ANO1: variants seen among roughly 807,000 people sequenced by gnomAD.
ANO1 encodes anoctamin-1.
In ANO1, 59 loss-of-function variants were observed where a neutral mutation model predicts 124.0. That is an observed-to-expected ratio of 0.48 (90% CI 0.39 to 0.59). ANO1 has a LOEUF of 0.59. Ranked by LOEUF, ANO1 falls within the 20% of genes least tolerant of loss-of-function variation. The probability of loss-of-function intolerance (pLI) is 0.00; values close to 1 mark genes in which losing one functional copy is unlikely to be tolerated. For missense variants in ANO1, 1,059 were observed against 1,328.0 expected, an observed-to-expected ratio of 0.80 and a Z score of 3.15; for synonymous variants, 529 against 532.0, an observed-to-expected ratio of 0.99 and a Z score of 0.08.
At chr11:70,150,125 G>A (rs2047547333) in intron 12 of ANO1, among the ~76,000 whole-genome samples, 2 of 152,124 alleles carry the variant, frequency 1.3e-5, no homozygotes, top group South Asian at 2.1e-4. Context: ...CTGGGCTGTC[G>A]GCACCACCCG....
At chr11:69,984,029 C>T (rs1855981424), upstream of ANO1, among the ~76,000 whole-genome samples, 1 of 151,716 alleles carries the variant, frequency 6.6e-6, no homozygotes, top group East Asian at 1.9e-4. Flanking sequence ...ATTTTTTTTT[C>T]CCCCTGAGCC....
chr11:70,075,790 A>G (rs2044049588), upstream of ANO1, among the ~76,000 whole-genome samples: 1 of 152,208 alleles, frequency 6.6e-6, no homozygotes, highest in Non-Finnish European at 1.5e-5. Flanking sequence ...ATCCCAGCAA[A>G]GTGACCCATA....
chr11:70,124,200 C>T, intron 8 of ANO1, 150 bp from the exon 9 acceptor site: 1 of 680,056 alleles, frequency 1.5e-6, no homozygotes. Context: ...TTCCCATCCC[C>T]ACGTTCACAG....
intron 1 of ANO1, among the ~76,000 whole-genome samples, chr11:69,988,178 C>T (rs947067076): frequency 6.6e-6 from 1 of 152,212 alleles, no homozygotes; most frequent in African/African-American, 2.4e-5. Context: ...AGTGGCTTCG[C>T]CCGTAAATAG....
At chr11:70,141,384 G>A (rs1440917332) in intron 11 of ANO1, among the ~76,000 whole-genome samples, 1 of 152,174 alleles carries the variant, frequency 6.6e-6, no homozygotes, top group African/African-American at 2.4e-5. Context: ...GGGACTCTGT[G>A]CCTGCTGACC....
chr11:70,111,574 C>G (rs1167400864), intron 6 of ANO1, 133 bp from the exon 7 acceptor site: 3 of 806,100 alleles, frequency 3.7e-6, no homozygotes, highest in Non-Finnish European at 6.3e-6. Flanking sequence ...GGTGGCCGGG[C>G]TCTGCGTAGT....
intron 19 of ANO1, chr11:70,163,577 G>T: frequency 1.6e-6 from 1 of 608,050 alleles, no homozygotes; most frequent in South Asian, 2.0e-5. Context: ...GTTAATGAAA[G>T]AAAAACACAA....
intron 1 of ANO1, among the ~76,000 whole-genome samples, chr11:70,008,911 C>A (rs962385282): frequency 6.6e-6 from 1 of 152,052 alleles, no homozygotes; most frequent in Non-Finnish European, 1.5e-5. Flanking sequence ...TCCAGGAGAC[C>A]CACATGGATG....
chr11:70,182,760 C>T, intron 24 of ANO1, 74 bp downstream of exon 24: 1 of 1,275,254 alleles, frequency 7.8e-7, no homozygotes, highest in South Asian at 2.1e-5. Flanking sequence ...TTGGACGGGG[C>T]TCAAATCAGG....
intron 1 of ANO1, among the ~76,000 whole-genome samples, chr11:70,018,657 G>A (rs1034515656): frequency 1.3e-5 from 2 of 152,158 alleles, no homozygotes; most frequent in Non-Finnish European, 2.9e-5. Flanking sequence ...AGAAAATAAA[G>A]TGTTTTTGGA....
Position 70,072,123 on chromosome 11 carries a change from G to A in ANO1, c.59-6419G>A, listed in dbSNP as rs558791280. Among the ~76,000 whole-genome samples, 7 of 152,190 alleles carry A rather than the reference G, an allele frequency of 4.6e-5. No homozygotes were observed. The East Asian group carries it at 5.8e-4, about 13-fold the overall frequency. ...GTTGCATCAGGAGGACGAGGTCTTC[G>A]GCGCCAAACCCAGAGGGCCTTGAAG... On this transcript the variant is annotated intron_variant, in intron 1 of 27. Transcript: ENST00000531349.
chr11:70,008,136 C>T (rs1386428936), intron 1 of ANO1, among the ~76,000 whole-genome samples: 1 of 152,116 alleles, frequency 6.6e-6, no homozygotes, highest in Non-Finnish European at 1.5e-5. Context: ...GTTACAGGAG[C>T]TCTTTATATA....
chr11:69,981,060 A>T (rs534235798), upstream of ANO1, among the ~76,000 whole-genome samples: 1 of 152,356 alleles, frequency 6.6e-6, no homozygotes, highest in East Asian at 1.9e-4. Context: ...ACAAAAAAAT[A>T]AAAAATCAAA....
At chr11:70,035,520 C>CTATATATA (rs34200982) in intron 1 of ANO1, among the ~76,000 whole-genome samples, 4,292 of 147,642 alleles carry the variant, frequency 0.029, 92 homozygotes, top group African/African-American at 0.055. Flanking sequence ...TAAGCTGTTG[C>CTATATATA]TATATATATA....
intron 22 of ANO1, among the ~76,000 whole-genome samples, chr11:70,177,588 T>TTTTTTC (rs1456303455): frequency 7.9e-6 from 1 of 126,708 alleles, no homozygotes; most frequent in Non-Finnish European, 1.6e-5. Context: ...CTTTTCTTTT[T>TTTTTTC]TTTTTCTTTT....
intron 19 of ANO1, among the ~76,000 whole-genome samples, chr11:70,165,079 G>C (rs1045642175): frequency 3.9e-5 from 6 of 152,148 alleles, no homozygotes; most frequent in African/African-American, 1.2e-4. Context: ...TCCCTTCAAG[G>C]GTTCTAGGGG....
At chr11:70,176,571 C>T (rs2048708865) in intron 22 of ANO1, among the ~76,000 whole-genome samples, 1 of 152,156 alleles carries the variant, frequency 6.6e-6, no homozygotes, top group South Asian at 2.1e-4. Flanking sequence ...CGGTAACAGG[C>T]TTCAGAGAGA....
intron 1 of ANO1, among the ~76,000 whole-genome samples, chr11:70,037,636 C>T (rs1305423008): frequency 6.6e-5 from 10 of 152,034 alleles, no homozygotes; most frequent in South Asian, 4.2e-4. Context: ...CTGGGAGAGG[C>T]GCTCCCTGAG....
chr11:70,024,325 A>G (rs539589345), intron 1 of ANO1, among the ~76,000 whole-genome samples: 27 of 152,346 alleles, frequency 1.8e-4, no homozygotes, highest in South Asian at 6.2e-4. Context: ...GGGGGGACAC[A>G]TAGCCCATAA....
Sources: gnomAD v4.1 joint callset for allele counts (sites outside exome capture counted in the v4.1 genomes callset) on GRCh38, gnomAD v4.1.1 for gene constraint, MANE v1.5 for transcripts, NCBI Gene and HGNC (gene_info 2026-07-23, HGNC 2026-07-21) for gene names.